Variants in PAX5 observed in about 807,000 individuals in gnomAD.
The protein encoded by PAX5 is paired box protein Pax-5.
Under a neutral mutation model 43.7 loss-of-function variants are expected in PAX5, and 9 were observed. That is an observed-to-expected ratio of 0.21 (90% CI 0.12 to 0.36). The LOEUF (loss-of-function observed/expected upper bound fraction) is 0.36, where lower values mean the gene tolerates loss of function less well. Ranked by LOEUF, PAX5 falls within the 10% of genes least tolerant of loss-of-function variation. The pLI, the probability that PAX5 is intolerant of heterozygous loss-of-function variation, is 1.00. For missense variants in PAX5, 383 were observed against 532.7 expected, an observed-to-expected ratio of 0.72 and a Z score of 2.77; for synonymous variants, 228 against 214.3, an observed-to-expected ratio of 1.06 and a Z score of -0.56.
chr9:36,995,306 G>C (rs552608623), intron 5 of PAX5, among the ~76,000 whole-genome samples: 1 of 152,358 alleles, frequency 6.6e-6, no homozygotes, highest in African/African-American at 2.4e-5. Flanking sequence ...CCAGGTCCAG[G>C]CTCAAGGACA....
intron 3 of PAX5, among the ~76,000 whole-genome samples, chr9:37,008,588 C>T (rs1490618666): frequency 2.0e-5 from 3 of 152,188 alleles, no homozygotes; most frequent in East Asian, 1.9e-4. Flanking sequence ...AAGGGCAGTC[C>T]GTGTCCTCAG....
chr9:36,896,060 G>C (rs1827834861), intron 7 of PAX5, among the ~76,000 whole-genome samples: 1 of 152,130 alleles, frequency 6.6e-6, no homozygotes, highest in African/African-American at 2.4e-5. Flanking sequence ...CCCAACCCCA[G>C]GCCACCCACC....
chr9:37,016,065 G>T (rs1350655169), intron 2 of PAX5, among the ~76,000 whole-genome samples: 1 of 152,198 alleles, frequency 6.6e-6, no homozygotes, highest in African/African-American at 2.4e-5. Flanking sequence ...TAAATGAATA[G>T]GTCCTGATCT....
At chr9:37,029,572 T>C (rs3758179) in intron 1 of PAX5, among the ~76,000 whole-genome samples, 12,509 of 152,238 alleles carry the variant, frequency 0.082, 1,132 homozygotes, top group African/African-American at 0.22. Flanking sequence ...AGAGAGGGAC[T>C]GGGATGGAAT....
chr9:36,937,248 C>T (rs936421634), intron 6 of PAX5, among the ~76,000 whole-genome samples: 1 of 152,164 alleles, frequency 6.6e-6, no homozygotes, highest in Admixed American at 6.5e-5. Context: ...CTTGCAACAA[C>T]CCTACAGGGT....
At chr9:36,843,108 G>C (rs1822230330) in intron 9 of PAX5, among the ~76,000 whole-genome samples, 1 of 151,912 alleles carries the variant, frequency 6.6e-6, no homozygotes, top group African/African-American at 2.4e-5. Flanking sequence ...GTGTGTGTGA[G>C]TGTATGAGTG....
At chr9:37,001,933 G>A (rs987087250) in intron 5 of PAX5, among the ~76,000 whole-genome samples, 9 of 151,194 alleles carry the variant, frequency 6.0e-5, no homozygotes, top group Non-Finnish European at 1.0e-4. Flanking sequence ...GGGGAAAGGA[G>A]CCCCAGTTAA....
intron 3 of PAX5, among the ~76,000 whole-genome samples, chr9:37,011,853 T>A (rs1169821690): frequency 2.0e-5 from 3 of 152,078 alleles, no homozygotes; most frequent in African/African-American, 7.2e-5. Flanking sequence ...GGGTGAAAAG[T>A]TGCCTCCAAG....
intron 6 of PAX5, among the ~76,000 whole-genome samples, chr9:36,925,909 C>T (rs1830605162): frequency 6.6e-6 from 1 of 152,272 alleles, no homozygotes; most frequent in South Asian, 2.1e-4. Flanking sequence ...GTGAGTCCCA[C>T]CCTCATTCTG....
At chr9:36,862,723 A>G (rs1563904531) in intron 8 of PAX5, among the ~76,000 whole-genome samples, 1 of 152,118 alleles carries the variant, frequency 6.6e-6, no homozygotes, top group East Asian at 1.9e-4. Flanking sequence ...CTTGGCCCAC[A>G]GGTTCTTTAA....
chr9:36,858,231 C>T (rs998096547), intron 8 of PAX5, among the ~76,000 whole-genome samples: 1 of 152,226 alleles, frequency 6.6e-6, no homozygotes, highest in African/African-American at 2.4e-5. Context: ...ACAGCACATG[C>T]TTTGTGTGTC....
At chr9:36,887,458 T>C (rs140866328) in intron 7 of PAX5, among the ~76,000 whole-genome samples, 109 of 152,164 alleles carry the variant, frequency 7.2e-4, no homozygotes, top group Middle Eastern at 6.8e-3. Context: ...AAAGATAAAA[T>C]AGATCAACTC....
At chr9:37,006,351 C>T (rs550445668) in intron 4 of PAX5, 122 bp downstream of exon 4, 30 of 619,950 alleles carry the variant, frequency 4.8e-5, no homozygotes, top group East Asian at 2.7e-4. Flanking sequence ...ACAAAGAAGG[C>T]GCATTAGTAC....
chr9:36,841,483 A>G lies in PAX5; in HGVS notation c.1100-847T>C, dbSNP rs148994605. Among the ~76,000 whole-genome samples the G allele has an allele frequency of 1.7e-3, 256 of 152,282 alleles. No homozygotes were observed. The East Asian group carries it at 0.021, about 13-fold the overall frequency. On this transcript the variant is annotated intron_variant, in intron 9 of 9. Coordinates refer to ENST00000358127, the MANE Select transcript of PAX5 (RefSeq NM_016734.3). ...TCAGAGCCCTGTCTCCTCCTCTGGG[A>G]AGCCCCCTGCCCTGAGCTCACACTC...
chr9:36,974,440 T>C (rs1835253250), intron 5 of PAX5, among the ~76,000 whole-genome samples: 1 of 152,126 alleles, frequency 6.6e-6, no homozygotes, highest in Non-Finnish European at 1.5e-5. Flanking sequence ...TCAGAACATC[T>C]CTATGAAGTA....
At chr9:36,916,012 C>A (rs1352201033) in intron 7 of PAX5, among the ~76,000 whole-genome samples, 7 of 149,814 alleles carry the variant, frequency 4.7e-5, no homozygotes, top group African/African-American at 1.7e-4. Flanking sequence ...TGCAGTGAGC[C>A]ATGATCACAC....
At chr9:36,902,242 C>T (rs1390424950) in intron 7 of PAX5, among the ~76,000 whole-genome samples, 1 of 152,202 alleles carries the variant, frequency 6.6e-6, no homozygotes, top group Non-Finnish European at 1.5e-5. Flanking sequence ...ATTAAATGGT[C>T]TGACAGGCAG....
At chr9:37,013,459 C>A (rs1398481872) in intron 3 of PAX5, among the ~76,000 whole-genome samples, 1 of 152,142 alleles carries the variant, frequency 6.6e-6, no homozygotes, top group Admixed American at 6.5e-5. Context: ...GTCCCCAAAG[C>A]CTGACCAGGG....
chr9:36,935,394 CA>C (rs36005725), intron 6 of PAX5, among the ~76,000 whole-genome samples: 13,438 of 151,334 alleles, frequency 0.089, 944 homozygotes, highest in African/African-American at 0.19. Flanking sequence ...AGCAAACAAA[CA>C]AAAAAAAAAA....
Sources: gnomAD v4.1 joint callset for allele counts (sites outside exome capture counted in the v4.1 genomes callset) on GRCh38, gnomAD v4.1.1 for gene constraint, MANE v1.5 for transcripts, NCBI Gene and HGNC (gene_info 2026-07-23, HGNC 2026-07-21) for gene names.